Variants in PPARD observed in about 807,000 individuals in gnomAD.
PPARD encodes the protein peroxisome proliferator activated receptor delta.
A neutral mutation model predicts 39.5 loss-of-function variants in PPARD; 6 were observed. The ratio of observed to expected loss-of-function variants is 0.15; its 90% CI spans 0.08 to 0.30. The LOEUF is 0.30. PPARD is among the 10% of genes least tolerant of loss of function. PPARD has a pLI of 1.00. For synonymous variants in PPARD, 210 were observed against 231.3 expected, an observed-to-expected ratio of 0.91 and a Z score of 0.83; for missense variants, 397 against 596.8, an observed-to-expected ratio of 0.67 and a Z score of 3.49.
Position 35,424,616 on chromosome 6 carries a change from A to G in PPARD, c.915A>G (p.Val305=), listed in dbSNP as rs760626212. The G allele has an allele frequency of 3.1e-6, 5 of 1,614,226 alleles. No homozygotes were observed. Among genetic ancestry groups the G allele is most frequent in the Non-Finnish European group, 4.2e-6 (5 of 1,180,024 alleles). ...TCGTCAACAAGGACGGGCTGCTGGT[A>G]GCCAACGGCAGTGGCTTTGTCACCC... is the stretch of plus-strand genomic sequence containing the variant. ...ASIVNKDGLL[V]ANGSGFVTRE... Residue 305 remains valine, a synonymous_variant, in exon 7 of 8, where the codon GTA becomes GTG. Transcript: ENST00000360694. The surrounding 1 kb of genome is among the most constrained non-coding windows in gnomAD (Gnocchi z 7.1).
In PPARD at chr6:35,363,122, G is replaced by A. The variant is rs1021228499; in HGVS notation, c.-102+15972G>A. Among the ~76,000 whole-genome samples, 87 of 152,318 alleles carry A rather than the reference G, an allele frequency of 5.7e-4. 1 individual carries two copies. The highest frequency in any genetic ancestry group is 1.7e-3 in the African/African-American group (71 of 41,552). On this transcript the variant is annotated intron_variant, in intron 2 of 7. Transcript: ENST00000360694. This position sits in a 1 kb window ranked among gnomAD's most constrained non-coding sequence, Gnocchi z 4.5. The stretch of plus-strand genomic sequence containing the variant: ...GAGAAAATTGAAGATGGGGTATTTT[G>A]TGGGGAACAAGCTATGCCTTCCTGT...
Position 35,424,563 on chromosome 6 carries a change from G to A in PPARD, c.862G>A (p.Glu288Lys), listed in dbSNP as rs1248926920. 2.5e-6 allele frequency: 4 copies of A among 1,614,090 alleles called. No individual in the cohort carries two copies. Among genetic ancestry groups the A allele is most frequent in the Non-Finnish European group, 1.7e-6 (2 of 1,180,044 alleles). The change falls in exon 7 of 8, where the codon GAG (glutamate) becomes AAG (lysine). Residue 288 changes from glutamate to lysine, a missense_variant. Coordinates refer to ENST00000360694, the MANE Select transcript of PPARD (RefSeq NM_006238.5). The surrounding 1 kb of genome is among the most constrained non-coding windows in gnomAD (Gnocchi z 7.1). Reference sequence around the variant, plus strand: ...TACCCTTCTCAAGTATGGCGTGCACGAGGCCATCTTCGCCATGCTGGCCTC... The same window carrying A: ...TACCCTTCTCAAGTATGGCGTGCACAAGGCCATCTTCGCCATGCTGGCCTC... ...QVTLLKYGVHEAIFAMLASIV... is the reference protein window; with the variant it reads ...QVTLLKYGVHKAIFAMLASIV...
intron 2 of PPARD, among the ~76,000 whole-genome samples, chr6:35,405,796 A>AT (rs534868842): frequency 5.3e-4 from 81 of 151,484 alleles, no homozygotes; most frequent in Non-Finnish European, 9.9e-4. Context: ...TGCCTGGCTA[A>AT]TTTTTGTATT....
chr6:35,414,177 T>G (rs1483692525), intron 3 of PPARD, among the ~76,000 whole-genome samples: 1 of 152,036 alleles, frequency 6.6e-6, no homozygotes, highest in Non-Finnish European at 1.5e-5. Flanking sequence ...TACTCTGGAG[T>G]CATTGAAAAG....
At chr6:35,349,068 C>T (rs751888440) in intron 2 of PPARD, 12 of 966,538 alleles carry the variant, frequency 1.2e-5, no homozygotes, top group Non-Finnish European at 1.5e-5. Context: ...CTCTGTCACC[C>T]AGGCTGGAGT....
In PPARD at chr6:35,425,866, G is replaced by A. The variant is rs1178759684; in HGVS notation, c.1113G>A (p.Glu371=). 1 of 1,613,936 alleles carries A rather than the reference G, an allele frequency of 6.2e-7. No individual in the cohort carries two copies. The highest frequency in any genetic ancestry group is 8.5e-7 in the Non-Finnish European group (1 of 1,180,014). ...RPGLMNVPRV[E]AIQDTILRAL... is the part of the protein sequence containing the mutation. ...GCCTCATGAACGTTCCACGGGTGGA[G>A]GCTATCCAGGACACCATCCTGCGTG... Residue 371 remains glutamate (E), a synonymous_variant, in exon 8 of 8, where the codon GAG becomes GAA. Coordinates refer to ENST00000360694, the MANE Select transcript of PPARD (RefSeq NM_006238.5). This position sits in a 1 kb window ranked among gnomAD's most constrained non-coding sequence, Gnocchi z 4.5.
intron 2 of PPARD, among the ~76,000 whole-genome samples, chr6:35,399,022 A>G (rs1581626891): frequency 6.6e-6 from 1 of 152,190 alleles, no homozygotes; most frequent in East Asian, 1.9e-4. Flanking sequence ...CTGAGGTGGG[A>G]GAATTGCTTG....
At chr6:35,360,315 G>A (rs1052200137) in intron 2 of PPARD, among the ~76,000 whole-genome samples, 3 of 152,130 alleles carry the variant, frequency 2.0e-5, no homozygotes, top group Non-Finnish European at 4.4e-5. Context: ...AAAGAGAAAA[G>A]TTGGCCCAGA....
At chr6:35,348,482 A>G (rs2150420444) in intron 2 of PPARD, 2 of 985,156 alleles carry the variant, frequency 2.0e-6, no homozygotes, top group East Asian at 1.1e-4. Context: ...AGGGAATACA[A>G]TGTTCATTGT....
At chr6:35,346,367 C>T (rs1792184625) in intron 1 of PPARD, among the ~76,000 whole-genome samples, 1 of 152,186 alleles carries the variant, frequency 6.6e-6, no homozygotes, top group African/African-American at 2.4e-5. Flanking sequence ...TCCTCCCTAC[C>T]CAGGTCTCTG....
At chr6:35,410,621 T>A (rs899603358) in intron 2 of PPARD, among the ~76,000 whole-genome samples, 2 of 152,144 alleles carry the variant, frequency 1.3e-5, no homozygotes, top group Non-Finnish European at 2.9e-5. Flanking sequence ...CATATCTGGA[T>A]CTCCAGGTGG....
chr6:35,380,415 G>A (rs1562190080), intron 2 of PPARD, among the ~76,000 whole-genome samples: 1 of 145,316 alleles, frequency 6.9e-6, no homozygotes, highest in Non-Finnish European at 1.5e-5. Flanking sequence ...CACTTTCTGT[G>A]ACTGAGGGAA....
chr6:35,418,511 G>A (rs1255559149), intron 3 of PPARD, among the ~76,000 whole-genome samples: 2 of 152,256 alleles, frequency 1.3e-5, no homozygotes, highest in African/African-American at 2.4e-5. Flanking sequence ...GTGCCCTGGT[G>A]GACAAAGTTC....
chr6:35,370,903 T>C (rs1265488308), intron 2 of PPARD, among the ~76,000 whole-genome samples: 1 of 152,142 alleles, frequency 6.6e-6, no homozygotes, highest in Non-Finnish European at 1.5e-5. Context: ...GGCCCCAGAA[T>C]TCACCTTCTC....
At chr6:35,359,466 T>A (rs960295665) in intron 2 of PPARD, among the ~76,000 whole-genome samples, 1 of 152,132 alleles carries the variant, frequency 6.6e-6, no homozygotes, top group Admixed American at 6.5e-5. Flanking sequence ...AGTGTTGGCA[T>A]GGCACTGTGT....
chr6:35,389,038 C>T (rs978361442), intron 2 of PPARD, among the ~76,000 whole-genome samples: 1 of 151,992 alleles, frequency 6.6e-6, no homozygotes, highest in African/African-American at 2.4e-5. Flanking sequence ...TACAGCCAGG[C>T]ACAGTGACTC....
At chr6:35,374,087 C>T (rs1286263417) in intron 2 of PPARD, among the ~76,000 whole-genome samples, 1 of 152,136 alleles carries the variant, frequency 6.6e-6, no homozygotes, top group African/African-American at 2.4e-5. Context: ...TGGCTCCTGA[C>T]CTCTGCTGCT....
chr6:35,417,875 A>C (rs1765879974), intron 3 of PPARD, among the ~76,000 whole-genome samples: 1 of 152,234 alleles, frequency 6.6e-6, no homozygotes. Context: ...GATAGAGTCT[A>C]GGTCCTGTCC....
At chr6:35,343,173 G>T (rs1397190184) in intron 1 of PPARD, among the ~76,000 whole-genome samples, 1 of 151,934 alleles carries the variant, frequency 6.6e-6, no homozygotes, top group Non-Finnish European at 1.5e-5. Context: ...CTTGTCTCCT[G>T]CCTTCATCCT....
Sources: allele counts gnomAD v4.1 joint callset (sites outside exome capture counted in the v4.1 genomes callset), GRCh38; gene constraint gnomAD v4.1.1; non-coding constraint Gnocchi (gnomAD v3.1); transcripts MANE v1.5; gene names NCBI Gene and HGNC (gene_info 2026-07-23, HGNC 2026-07-21).